HCFC1: variants seen among roughly 807,000 people sequenced by gnomAD.
HCFC1 encodes host cell factor C1, also known as host cell factor 1.
Under a neutral mutation model 105.5 loss-of-function variants are expected in HCFC1, and 7 were observed. The ratio of observed to expected loss-of-function variants is 0.07; its 90% CI spans 0.04 to 0.12. The LOEUF is 0.12. Among genes scored for constraint, HCFC1 ranks in the 10% least tolerant of loss-of-function variants. HCFC1 has a pLI of 1.00. For missense variants in HCFC1, 1,065 were observed against 1,823.6 expected (o/e 0.58, Z 7.58); for synonymous variants, 918 against 828.1 (o/e 1.11, Z -1.86).
At position 153,949,308 on chromosome X, in the gene HCFC1, G is replaced by T. The variant is rs782193068; in HGVS notation, c.*39C>A. 8.6e-7 allele frequency: 1 copy of T among 1,160,595 alleles called. No individual in the cohort carries two copies. Among genetic ancestry groups the T allele is most frequent in the African/African-American group, 1.8e-5 (1 of 56,440 alleles). Reference sequence around the variant, plus strand: ...CCCTGGCGGGTGTTCCTGAAGCAGGGGGGTCTGGAGAAGAATCCAGGGGCT... The same window carrying T: ...CCCTGGCGGGTGTTCCTGAAGCAGGTGGGTCTGGAGAAGAATCCAGGGGCT... On this transcript the variant is annotated 3_prime_UTR_variant, in exon 26 of 26. Transcript: ENST00000310441.
chrX:153,951,501 T>C lies in HCFC1; in HGVS notation c.5380-14A>G. 1 of 1,210,858 alleles carries C rather than the reference T, an allele frequency of 8.3e-7. No individual in the cohort carries two copies. ...CAGGTCTGGCTTCTGCAAGACAGAA[T>C]CGGTGCGACGAGATCAGGCCCTCAG... On this transcript the variant is annotated splice_polypyrimidine_tract_variant and intron_variant, in intron 21 of 25. Coordinates refer to ENST00000310441, the MANE Select transcript of HCFC1 (RefSeq NM_005334.3).
At chrX:153,949,979 G>C (rs782438710) in intron 24 of HCFC1, among the ~76,000 whole-genome samples, 1 of 111,573 alleles carries the variant, frequency 9.0e-6, no homozygotes, top group Admixed American at 9.4e-5. Context: ...GCTGTTTTCG[G>C]GCCTGGAAAC....
chrX:153,955,282 T>C lies in HCFC1; in HGVS notation c.3117A>G (p.Gly1039=), dbSNP rs200145247. The C allele has an allele frequency of 4.9e-5, 59 of 1,203,460 alleles. No individual in the cohort carries two copies. The African/African-American group carries it at 9.5e-4, about 19-fold the overall frequency. Residue 1039 remains glycine, a synonymous_variant, in exon 17 of 26, where the codon GGA becomes GGG. Transcript: ENST00000310441. ...ACTGCACTTGGGTGGGCTGGGGGTG[T>C]CCCCCAAGGTTAGCCACAACAGTAG... ...ATTTVVANLG[G]HPQPTQVQFV... is the part of the protein sequence containing the mutation.
chrX:153,949,230 C>G lies in HCFC1; in HGVS notation c.*117G>C. On this transcript the variant is annotated 3_prime_UTR_variant, in exon 26 of 26. Coordinates refer to ENST00000310441, the MANE Select transcript of HCFC1 (RefSeq NM_005334.3). ...GAAAGAGAAAGGGGAGAGGAGTGAA[C>G]AGCGGCTCGCGAGGGTGAAGTGCGA... 1 of 522,067 alleles carries G rather than the reference C, an allele frequency of 1.9e-6. No homozygotes were observed. The highest frequency in any genetic ancestry group is 3.3e-6 in the Non-Finnish European group (1 of 304,940). The allele number at this position is 522,067 out of a possible 1,213,427, so 43.0% of individuals were successfully genotyped here.
In HCFC1 at chrX:153,971,627, C is replaced by G. The variant is rs2065536152; in HGVS notation, c.-787G>C. On this transcript the variant is annotated 5_prime_UTR_variant, in exon 1 of 26. Coordinates refer to ENST00000310441, the MANE Select transcript of HCFC1 (RefSeq NM_005334.3). ...CTCCCCGTTCCCCCCTATTCTCTTC[C>G]TCCTAGGTCAGTTCTTCCACTGCAC... 1 of 295,421 alleles carries G rather than the reference C, an allele frequency of 3.4e-6. No homozygotes were observed. Among genetic ancestry groups the G allele is most frequent in the African/African-American group, 2.7e-5 (1 of 36,701 alleles). 24.3% of individuals were successfully genotyped at this position (295,421 alleles called of 1,213,427 possible).
chrX:153,962,674 C>A (rs377690564), intron 4 of HCFC1, among the ~76,000 whole-genome samples: 1 of 112,425 alleles, frequency 8.9e-6, no homozygotes, highest in East Asian at 2.8e-4. Flanking sequence ...AAAATTCTCT[C>A]ACGGGAAACT....
At position 153,953,568 on chromosome X, in the gene HCFC1, CGGGAAGGCG is replaced by C. The variant is rs781842079; in HGVS notation, c.4497+30_4497+38del. Reference sequence around the variant, plus strand: ...AGTGTGGAACTGCACGGGCGTAGGCCGGGAAGGCGGGGAAGAACACGGCCCCCTGGGCTC... The same window carrying C: ...AGTGTGGAACTGCACGGGCGTAGGCCGGGAAGAACACGGCCCCCTGGGCTC... On this transcript the variant is annotated intron_variant, in intron 18 of 25. Transcript: ENST00000310441. 2.7e-5 allele frequency: 32 copies of C among 1,184,047 alleles called. No individual in the cohort carries two copies. In the South Asian group the frequency reaches 5.4e-4, roughly 20 times the overall value.
rs781927276 is a variant in HCFC1 at position 153,952,883 on chromosome X, T to C, written c.4573A>G (p.Thr1525Ala). Reference sequence around the variant, plus strand: ...TCGGCGGACTCCCCCATCAGGGCTGTGGAAGCCGACTGCAGAAGCTGCCGT... The same window carrying C: ...TCGGCGGACTCCCCCATCAGGGCTGCGGAAGCCGACTGCAGAAGCTGCCGT... ...PPRQLLQSASTALMGESAEVL... is the reference protein window; with the variant it reads ...PPRQLLQSASAALMGESAEVL... Residue 1525 changes from threonine to alanine, a missense_variant, in exon 19 of 26, where the codon ACA (threonine) becomes GCA (alanine). Thr to Ala is a moderately conservative substitution (Grantham distance 58). Transcript: ENST00000310441. 2 of 1,182,902 alleles carry C rather than the reference T, an allele frequency of 1.7e-6. No homozygotes were observed. Among genetic ancestry groups the C allele is most frequent in the Non-Finnish European group, 2.3e-6 (2 of 882,131 alleles).
At chrX:153,967,365 G>A (rs996349204) in intron 1 of HCFC1, among the ~76,000 whole-genome samples, 3 of 111,879 alleles carry the variant, frequency 2.7e-5, no homozygotes, top group Non-Finnish European at 5.7e-5. Context: ...GCCTCTCTGT[G>A]TTTCATCAGC....
In HCFC1 at chrX:153,956,209, G is replaced by C; in HGVS notation, c.2838C>G (p.Thr946=). The part of the protein sequence containing the change: ...TTLTAAGGLT[T]PTITMQPVSQ... The stretch of plus-strand genomic sequence containing the variant: ...GCCCTACCTGCATGGTGATGGTTGG[G>C]GTTGTGAGCCCGCCTGCCGCTGTCA... The change falls in exon 16 of 26, where the codon ACC becomes ACG. Residue 946 remains threonine (T), a synonymous_variant. Coordinates refer to ENST00000310441, the MANE Select transcript of HCFC1 (RefSeq NM_005334.3). 1 of 1,211,444 alleles carries C rather than the reference G, an allele frequency of 8.3e-7. No homozygotes were observed.
At position 153,959,225 on chromosome X, in the gene HCFC1, G is replaced by T. The variant is rs191674201; in HGVS notation, c.1605+106C>A. On this transcript the variant is annotated intron_variant, in intron 9 of 25. Transcript: ENST00000310441. ...ACGTCCCAGGAGGGAAAGGTGTGGGGTGCGTGGTACCAGAGCCCGAGAGGG... is the reference window on the plus strand; with the variant it reads ...ACGTCCCAGGAGGGAAAGGTGTGGGTTGCGTGGTACCAGAGCCCGAGAGGG... 1.7e-3 allele frequency: 1,460 copies of T among 837,081 alleles called. 23 individuals are homozygous for T. The African/African-American group carries it at 0.026, about 15-fold the overall frequency. 69.0% of individuals were successfully genotyped at this position (837,081 alleles called of 1,213,427 possible). A position where few individuals can be genotyped will look rare whatever the true frequency, so the allele number is the denominator to read the frequency against.
rs1451627706 is a variant in HCFC1, at chrX:153,948,143, C to T, written c.*1204G>A. 8.9e-6 allele frequency: 1 copy of T among 112,051 alleles called. No individual in the cohort carries two copies. Among genetic ancestry groups the T allele is most frequent in the Admixed American group, 9.4e-5 (1 of 10,605 alleles). The allele number at this position is 112,051 out of a possible 1,213,427, so 9.2% of individuals were successfully genotyped here. A position where few individuals can be genotyped will look rare whatever the true frequency, so the allele number is the denominator to read the frequency against. On this transcript the variant is annotated 3_prime_UTR_variant, in exon 26 of 26. Transcript: ENST00000310441. ...GAGGTGGAGCAGTGGCTGCGGAAAC[C>T]AGCAGCCCTGTTTGGGAGGCGGTGC...
chrX:153,964,864 G>C, intron 1 of HCFC1, 138 bp from the exon 2 acceptor site: 1 of 576,481 alleles, frequency 1.7e-6, no homozygotes, highest in East Asian at 4.2e-5. Context: ...AACTCCAGCT[G>C]CGCTACCTGG....
At chrX:153,963,883 A>G (rs1473921731) in intron 3 of HCFC1, among the ~76,000 whole-genome samples, 2 of 111,655 alleles carry the variant, frequency 1.8e-5, no homozygotes, top group African/African-American at 6.5e-5. Context: ...GCCCAAGGCA[A>G]AGTGGCTTCC....
chrX:153,950,564 A>T (rs782069710), intron 23 of HCFC1, 21 bp from the exon 24 acceptor site: 2 of 1,139,168 alleles, frequency 1.8e-6, no homozygotes, highest in African/African-American at 3.6e-5. Context: ...GGGGGTCAGA[A>T]GGTCAACAGA....
Position 153,970,709 on chromosome X carries a change from G to A in HCFC1, c.132C>T (p.Leu44=). Residue 44 remains leucine (L), a synonymous_variant, in exon 1 of 26, where the codon CTC becomes CTT. Transcript: ENST00000310441. ...CGTTGCCGCCGCCAAACACCACGAT[G>A]AGCTCCTTGATGGCCACGGCGCGGT... ...HGHRAVAIKE[L]IVVFGGGNEG... 3.3e-6 allele frequency: 4 copies of A among 1,209,838 alleles called. No individual in the cohort carries two copies. Among genetic ancestry groups the A allele is most frequent in the East Asian group, 3.0e-5 (1 of 33,685 alleles).
intron 18 of HCFC1, 171 bp from the exon 19 acceptor site, chrX:153,953,129 G>A (rs1232115276): frequency 1.8e-5 from 9 of 495,415 alleles, no homozygotes; most frequent in Non-Finnish European, 2.9e-5. Context: ...GGGGAGGAGA[G>A]GGGCCAGAGC....
chrX:153,952,443 T>A, intron 19 of HCFC1, 71 bp downstream of exon 19: 1 of 1,045,135 alleles, frequency 9.6e-7, no homozygotes, highest in Non-Finnish European at 1.3e-6. Flanking sequence ...GGGCTCCTCT[T>A]CCCAGGCTGT....
chrX:153,971,672 C>T lies in HCFC1; in HGVS notation c.-832G>A. 1 of 297,653 alleles carries T rather than the reference C, an allele frequency of 3.4e-6. No homozygotes were observed. Among genetic ancestry groups the T allele is most frequent in the Non-Finnish European group, 5.9e-6 (1 of 170,120 alleles). 24.5% of individuals were successfully genotyped at this position (297,653 alleles called of 1,213,427 possible). A position where few individuals can be genotyped will look rare whatever the true frequency, so the allele number is the denominator to read the frequency against. ...CTGCACACCAAACTCAAGGCGGTGT[C>T]CGATCCTCACTTCCCGCCTTATGAC... On this transcript the variant is annotated 5_prime_UTR_variant, in exon 1 of 26. Coordinates refer to ENST00000310441, the MANE Select transcript of HCFC1 (RefSeq NM_005334.3).
Sources: allele counts gnomAD v4.1 joint callset (sites outside exome capture counted in the v4.1 genomes callset), GRCh38; gene constraint gnomAD v4.1.1; transcripts MANE v1.5; gene names NCBI Gene and HGNC (gene_info 2026-07-23, HGNC 2026-07-21).